The following FRMPD2 variants were observed in gnomAD, a reference collection of about 807,000 sequenced individuals.
FRMPD2 encodes FERM and PDZ domain-containing protein 2.
A neutral mutation model predicts 140.1 loss-of-function variants in FRMPD2; 96 were observed. The observed-to-expected ratio is 0.69, with a 90% CI of 0.58 to 0.81. The LOEUF (loss-of-function observed/expected upper bound fraction) is 0.81, where lower values mean the gene tolerates loss of function less well. Ranked by LOEUF, FRMPD2 falls within the 40% of genes least tolerant of loss-of-function variation. The pLI is 0.00. For synonymous variants in FRMPD2, 449 were observed against 547.6 expected (o/e 0.82, Z 2.52); for missense variants, 1,240 against 1,447.4 (o/e 0.86, Z 2.32).
intron 12 of FRMPD2, among the ~76,000 whole-genome samples, chr10:48,219,816 CAT>C (rs1839538319): frequency 6.6e-6 from 1 of 152,288 alleles, no homozygotes; most frequent in East Asian, 1.9e-4. Context: ...AAGAAACTTG[CAT>C]ATGATTCTGC....
intron 15 of FRMPD2, 77 bp from the exon 16 acceptor site, chr10:48,192,971 A>G (rs1304465801): frequency 1.6e-5 from 18 of 1,095,858 alleles, no homozygotes; most frequent in Admixed American, 1.5e-4. Flanking sequence ...TGGTTGTAAC[A>G]TATCACTGGG....
At chr10:48,215,544 C>T (rs1355342514) in intron 12 of FRMPD2, among the ~76,000 whole-genome samples, 1 of 152,194 alleles carries the variant, frequency 6.6e-6, no homozygotes. Context: ...CAGAGCAGGC[C>T]TCCCATAAAT....
In FRMPD2 at chr10:48,190,059, C is replaced by T. The variant is rs556206540; in HGVS notation, c.2165+2625G>A. ...GTATTGGCAAAGGACTTCCATGATG[C>T]GGGGCTTGATCCAGAACCCTGTCAG... On this transcript the variant is annotated intron_variant, in intron 16 of 28. Transcript: ENST00000374201. 7.2e-5 allele frequency among the ~76,000 whole-genome samples: 11 copies of T among 152,274 alleles called. No homozygotes were observed. The East Asian group carries it at 7.7e-4, about 11-fold the overall frequency.
intron 12 of FRMPD2, among the ~76,000 whole-genome samples, chr10:48,213,576 G>T (rs546830850): frequency 2.0e-5 from 3 of 152,176 alleles, no homozygotes; most frequent in Admixed American, 2.0e-4. Flanking sequence ...GGAAGCAAAT[G>T]ATGTCCCTCA....
chr10:48,187,332 C>G (rs375274290), intron 16 of FRMPD2, 40 bp from the exon 17 acceptor site: 434 of 1,571,250 alleles, frequency 2.8e-4, no homozygotes, highest in Non-Finnish European at 3.7e-4. Context: ...AGGTGGCCCA[C>G]GGGGAAGGAC....
chr10:48,239,897 A>G (rs952204596), intron 6 of FRMPD2, among the ~76,000 whole-genome samples: 3 of 152,246 alleles, frequency 2.0e-5, no homozygotes, highest in African/African-American at 2.4e-5. Context: ...AAGGGAAGAT[A>G]AAGCCTAATG....
At chr10:48,220,343 C>T (rs762406081) in intron 12 of FRMPD2, among the ~76,000 whole-genome samples, 54 of 152,154 alleles carry the variant, frequency 3.5e-4, no homozygotes, top group Admixed American at 3.1e-3. Context: ...GGGGAAAGGA[C>T]ACCCTATTCA....
intron 9 of FRMPD2, among the ~76,000 whole-genome samples, chr10:48,232,611 G>T (rs1839876761): frequency 6.6e-6 from 1 of 152,134 alleles, no homozygotes; most frequent in South Asian, 2.1e-4. Context: ...GCTCTCCCTT[G>T]GGCTCTGCTT....
chr10:48,208,014 G>T (rs17769978), intron 13 of FRMPD2, among the ~76,000 whole-genome samples: 1 of 151,878 alleles, frequency 6.6e-6, no homozygotes, highest in African/African-American at 2.4e-5. Flanking sequence ...AGCCTCCTTC[G>T]TTTAACTTTG....
At chr10:48,266,967 C>T (rs1275683184) in intron 1 of FRMPD2, among the ~76,000 whole-genome samples, 1 of 152,212 alleles carries the variant, frequency 6.6e-6, no homozygotes, top group Non-Finnish European at 1.5e-5. Context: ...GGAGCCAGAA[C>T]AGTCACAACA....
At position 48,198,531 on chromosome 10, in the gene FRMPD2, T is replaced by G. The variant is rs1020208272; in HGVS notation, c.1954+2697A>C. Among the ~76,000 whole-genome samples, 3 of 152,312 alleles carry G rather than the reference T, an allele frequency of 2.0e-5. 1 individual carries two copies. In the Middle Eastern group the frequency reaches 0.01, roughly 518 times the overall value. ...TCTGAGCAGCTAACTGGGCCCAAAT[T>G]TAAAATAGATTGCTTTGGCTATTCA... On this transcript the variant is annotated intron_variant, in intron 15 of 28. Transcript: ENST00000374201.
chr10:48,210,426 C>T (rs982859214), intron 13 of FRMPD2, among the ~76,000 whole-genome samples: 3 of 152,182 alleles, frequency 2.0e-5, no homozygotes, highest in Admixed American at 6.5e-5. Flanking sequence ...CATTTTTCAT[C>T]GTTCAACCAG....
At chr10:48,274,714 T>C, upstream of FRMPD2, 1 of 717,756 alleles carries the variant, frequency 1.4e-6, no homozygotes, top group Non-Finnish European at 2.5e-6. Context: ...ACTAAGCACT[T>C]GCTGCCCAGC....
chr10:48,215,922 C>T (rs1839436897), intron 12 of FRMPD2, among the ~76,000 whole-genome samples: 1 of 152,196 alleles, frequency 6.6e-6, no homozygotes, highest in Non-Finnish European at 1.5e-5. Flanking sequence ...TTGGACATGA[C>T]TGACAGTTAA....
intron 9 of FRMPD2, 42 bp downstream of exon 9, chr10:48,236,440 C>G (rs763208904): frequency 3.6e-5 from 57 of 1,590,118 alleles, no homozygotes; most frequent in Non-Finnish European, 4.8e-5. Flanking sequence ...GCCCACTTCC[C>G]TCGCCACCCT....
intron 1 of FRMPD2, among the ~76,000 whole-genome samples, chr10:48,252,590 G>T (rs527844132): frequency 2.6e-5 from 4 of 152,116 alleles, no homozygotes; most frequent in Non-Finnish European, 4.4e-5. Flanking sequence ...CCAGCTCCCT[G>T]CAGACACCTC....
intron 15 of FRMPD2, among the ~76,000 whole-genome samples, chr10:48,193,568 A>T (rs943379435): frequency 2.0e-5 from 3 of 147,904 alleles, no homozygotes; most frequent in Non-Finnish European, 4.6e-5. Flanking sequence ...CATTGATCAT[A>T]AAAAAAATGG....
chr10:48,262,801 T>A (rs1840616270), intron 1 of FRMPD2, among the ~76,000 whole-genome samples: 1 of 152,152 alleles, frequency 6.6e-6, no homozygotes, highest in Non-Finnish European at 1.5e-5. Context: ...TTGAGACAGG[T>A]TCTTGCCCTG....
At chr10:48,173,389 G>A (rs542425684) in intron 24 of FRMPD2, among the ~76,000 whole-genome samples, 4 of 150,670 alleles carry the variant, frequency 2.7e-5, no homozygotes, top group African/African-American at 4.9e-5. Context: ...TCCTCCCCTC[G>A]CATTGGCTCA....
Sources: gnomAD v4.1 joint callset for allele counts (sites outside exome capture counted in the v4.1 genomes callset) on GRCh38, gnomAD v4.1.1 for gene constraint, MANE v1.5 for transcripts, NCBI Gene and HGNC (gene_info 2026-07-23, HGNC 2026-07-21) for gene names.